The following ADAM12 variants were observed in gnomAD, a reference collection of about 807,000 sequenced individuals.
ADAM12 encodes the protein disintegrin and metalloproteinase domain-containing protein 12.
Under a neutral mutation model 106.4 loss-of-function variants are expected in ADAM12, and 70 were observed. The ratio of observed to expected loss-of-function variants is 0.66; its 90% confidence interval spans 0.54 to 0.80. ADAM12 has a LOEUF of 0.80. Ranked by LOEUF, ADAM12 falls within the 30% of genes least tolerant of loss-of-function variation. ADAM12 has a pLI of 0.00. For synonymous variants in ADAM12, 420 were observed against 433.5 expected, an observed-to-expected ratio of 0.97 and a Z score of 0.39; for missense variants, 1,010 against 1,171.9, an observed-to-expected ratio of 0.86 and a Z score of 2.02.
At chr10:126,259,907 G>A (rs559412408) in intron 3 of ADAM12, among the ~76,000 whole-genome samples, 1 of 152,324 alleles carries the variant, frequency 6.6e-6, no homozygotes, top group East Asian at 1.9e-4. Flanking sequence ...ATATGACAGT[G>A]ATGAGTCTGG....
chr10:126,235,961 G>A (rs367614672), intron 3 of ADAM12, among the ~76,000 whole-genome samples: 1 of 152,102 alleles, frequency 6.6e-6, no homozygotes, highest in African/African-American at 2.4e-5. Flanking sequence ...AAGGGGCTGG[G>A]GGAGCAGAGG....
intron 5 of ADAM12, among the ~76,000 whole-genome samples, chr10:126,120,573 C>T (rs1368110204): frequency 6.6e-6 from 1 of 151,964 alleles, no homozygotes; most frequent in Non-Finnish European, 1.5e-5. Context: ...CAGAGAGGGA[C>T]CAAGGTAATT....
chr10:126,291,928 A>G (rs1298002609), intron 2 of ADAM12, among the ~76,000 whole-genome samples: 3 of 152,018 alleles, frequency 2.0e-5, no homozygotes, highest in African/African-American at 7.2e-5. Flanking sequence ...TGGCTCTGGG[A>G]CAGAGACATC....
chr10:126,374,075 T>G (rs1307265910), intron 1 of ADAM12, among the ~76,000 whole-genome samples: 1 of 152,158 alleles, frequency 6.6e-6, no homozygotes, highest in East Asian at 1.9e-4. Context: ...AGAGATCTGG[T>G]GAGGGTTAGG....
At chr10:126,060,023 C>T (rs1468743326) in intron 14 of ADAM12, among the ~76,000 whole-genome samples, 1 of 152,124 alleles carries the variant, frequency 6.6e-6, no homozygotes, top group African/African-American at 2.4e-5. Flanking sequence ...TTGAAATCAA[C>T]ATAGGAAGTC....
chr10:126,313,905 A>G (rs1266773499), intron 2 of ADAM12, among the ~76,000 whole-genome samples: 1 of 152,090 alleles, frequency 6.6e-6, no homozygotes, highest in Non-Finnish European at 1.5e-5. Flanking sequence ...GCGAGTGGGC[A>G]TCTGCTTAAA....
chr10:126,261,762 T>C (rs1267220690), intron 3 of ADAM12, among the ~76,000 whole-genome samples: 1 of 151,760 alleles, frequency 6.6e-6, no homozygotes, highest in Non-Finnish European at 1.5e-5. Context: ...ACCCCACAGA[T>C]TAAAAGGCCT....
intron 3 of ADAM12, among the ~76,000 whole-genome samples, chr10:126,270,022 T>C (rs898862718): frequency 2.6e-5 from 4 of 152,204 alleles, no homozygotes; most frequent in Admixed American, 2.6e-4. Flanking sequence ...AATTTAGCTC[T>C]TACTCAGGAA....
chr10:126,189,200 A>G (rs750350377), intron 3 of ADAM12, among the ~76,000 whole-genome samples: 1 of 152,226 alleles, frequency 6.6e-6, no homozygotes, highest in Non-Finnish European at 1.5e-5. Flanking sequence ...ATGATGAAGG[A>G]CAAGGGCTCA....
At chr10:126,152,669 G>A (rs560143077) in intron 4 of ADAM12, among the ~76,000 whole-genome samples, 78 of 151,292 alleles carry the variant, frequency 5.2e-4, no homozygotes, top group Admixed American at 2.0e-3. Flanking sequence ...TGTGAATCCT[G>A]TAAAAATGAT....
intron 6 of ADAM12, among the ~76,000 whole-genome samples, chr10:126,111,253 C>T (rs1346929219): frequency 6.6e-6 from 1 of 152,118 alleles, no homozygotes; most frequent in Non-Finnish European, 1.5e-5. Context: ...TACAATGTTA[C>T]AAGAAGAAAC....
chr10:126,066,877 C>T lies in ADAM12; in HGVS notation c.1324-71G>A, dbSNP rs756044168. ...GCACTCACTGAATGCAAACATCACA[C>T]CTTAAATGGCTGCAAAAAGCAAGAA... On this transcript the variant is annotated intron_variant, in intron 12 of 22. Coordinates refer to ENST00000448723, the MANE Select transcript of ADAM12 (RefSeq NM_001288973.2). This position sits in a 1 kb window ranked among gnomAD's most constrained non-coding sequence, Gnocchi z 5.1. The T allele has an allele frequency of 7.7e-6, 11 of 1,430,354 alleles. No individual in the cohort carries two copies. In the African/African-American group the frequency reaches 9.9e-5, roughly 13 times the overall value. The allele number at this position is 1,430,354 out of a possible 1,614,324, so 88.6% of individuals were successfully genotyped here. A position where few individuals can be genotyped will look rare whatever the true frequency, so the allele number is the denominator to read the frequency against.
At chr10:126,282,939 G>A (rs1053988904) in intron 2 of ADAM12, among the ~76,000 whole-genome samples, 5 of 151,826 alleles carry the variant, frequency 3.3e-5, no homozygotes, top group East Asian at 1.9e-4. Flanking sequence ...TATTTCTATC[G>A]TCATTACATT....
chr10:126,042,648 C>T (rs1203214534), intron 18 of ADAM12, among the ~76,000 whole-genome samples: 4 of 152,148 alleles, frequency 2.6e-5, no homozygotes, highest in African/African-American at 9.7e-5. Context: ...GGGTGTCTTT[C>T]CAGTAAGATT....
intron 1 of ADAM12, among the ~76,000 whole-genome samples, chr10:126,375,615 G>A (rs1722118945): frequency 1.3e-5 from 2 of 150,142 alleles, no homozygotes; most frequent in South Asian, 4.2e-4. Context: ...CTGGGAAAGA[G>A]TAGGTATAAA....
chr10:126,090,550 A>G (rs1372368889), intron 11 of ADAM12, among the ~76,000 whole-genome samples: 1 of 152,194 alleles, frequency 6.6e-6, no homozygotes, highest in African/African-American at 2.4e-5. Context: ...TCCCACATGA[A>G]TCCCCAGATA....
intron 3 of ADAM12, among the ~76,000 whole-genome samples, chr10:126,172,867 T>A (rs1274474003): frequency 6.6e-6 from 1 of 152,132 alleles, no homozygotes; most frequent in Non-Finnish European, 1.5e-5. Flanking sequence ...CAAATGCCCA[T>A]CAATGATAGA....
At chr10:126,122,528 G>A (rs895907812) in intron 5 of ADAM12, among the ~76,000 whole-genome samples, 2 of 152,182 alleles carry the variant, frequency 1.3e-5, no homozygotes, top group African/African-American at 2.4e-5. Flanking sequence ...TTGGGAGGCC[G>A]AGGTGGGTGG....
intron 1 of ADAM12, among the ~76,000 whole-genome samples, chr10:126,345,938 C>T (rs1855122454): frequency 1.3e-5 from 2 of 152,252 alleles, no homozygotes; most frequent in Admixed American, 6.5e-5. Context: ...TGCTAGAGGT[C>T]TATCAATTTT....
Sources: gnomAD v4.1 joint callset for allele counts (sites outside exome capture counted in the v4.1 genomes callset) on GRCh38, gnomAD v4.1.1 for gene constraint, Gnocchi (gnomAD v3.1) non-coding constraint, MANE v1.5 for transcripts, NCBI Gene and HGNC (gene_info 2026-07-23, HGNC 2026-07-21) for gene names.